Variants in SPECC1 observed in about 807,000 individuals in gnomAD.
The protein encoded by SPECC1 is cytospin-B.
In SPECC1, 62 loss-of-function variants were observed where a neutral mutation model predicts 104.1. The ratio of observed to expected loss-of-function variants is 0.60; its 90% CI spans 0.49 to 0.74. SPECC1 has a LOEUF of 0.74. Ranked by LOEUF, SPECC1 falls within the 30% of genes least tolerant of loss-of-function variation. SPECC1 has a pLI of 0.00. For missense variants in SPECC1, 1,306 were observed against 1,310.5 expected, an observed-to-expected ratio of 1.00 and a Z score of 0.05; for synonymous variants, 513 against 501.6, an observed-to-expected ratio of 1.02 and a Z score of -0.30.
chr17:20,109,919 C>T (rs2048398648), intron 2 of SPECC1, among the ~76,000 whole-genome samples: 1 of 152,094 alleles, frequency 6.6e-6, no homozygotes, highest in Non-Finnish European at 1.5e-5. Context: ...AGTACAATGG[C>T]ACAATCATAG....
intron 1 of SPECC1, among the ~76,000 whole-genome samples, chr17:20,044,328 T>C (rs2045451955): frequency 6.6e-6 from 1 of 152,256 alleles, no homozygotes; most frequent in East Asian, 1.9e-4. Context: ...GGGATTCAGT[T>C]TGAACATTTA....
chr17:20,269,229 T>C (rs1269312139), intron 12 of SPECC1, among the ~76,000 whole-genome samples: 1 of 152,240 alleles, frequency 6.6e-6, no homozygotes. Flanking sequence ...GGCTGGCCCT[T>C]GGCTGGCGTC....
chr17:20,244,207 C>T (rs998865612), intron 7 of SPECC1, among the ~76,000 whole-genome samples: 4 of 152,010 alleles, frequency 2.6e-5, no homozygotes, highest in Admixed American at 6.6e-5. Flanking sequence ...CCAGCCTGGG[C>T]GACAGAGCGA....
At chr17:20,104,479 A>G (rs925893218) in intron 2 of SPECC1, among the ~76,000 whole-genome samples, 32 of 152,228 alleles carry the variant, frequency 2.1e-4, no homozygotes, top group Admixed American at 1.8e-3. Flanking sequence ...ACGGTGGCTC[A>G]TGCCTGTAAT....
intron 1 of SPECC1, among the ~76,000 whole-genome samples, chr17:20,021,071 A>G (rs900968855): frequency 6.6e-6 from 1 of 152,238 alleles, no homozygotes; most frequent in Non-Finnish European, 1.5e-5. Flanking sequence ...AAAGAAAATC[A>G]TAAGGAAGAG....
rs997600832 is a variant in SPECC1, at chr17:20,314,639, C to CA, written c.*581dup. On this transcript the variant is annotated 3_prime_UTR_variant, in exon 15 of 15. Coordinates refer to ENST00000395527, the MANE Select transcript of SPECC1 (RefSeq NM_001243439.2). ...TGTGTGAAAGAGCCAGACCCTGTCT[C>CA]AAAAAAATGATAAAACCCAAAACTT... 5 of 227,012 alleles carry CA rather than the reference C, an allele frequency of 2.2e-5. No homozygotes were observed. The highest frequency in any genetic ancestry group is 4.5e-5 in the African/African-American group (2 of 44,356). The allele number at this position is 227,012 out of a possible 1,614,324, so 14.1% of individuals were successfully genotyped here.
At chr17:20,251,308 T>G (rs551679923) in intron 9 of SPECC1, among the ~76,000 whole-genome samples, 66 of 150,576 alleles carry the variant, frequency 4.4e-4, no homozygotes, top group African/African-American at 1.5e-3. Flanking sequence ...TCTTTCTTGA[T>G]GGAAATTCTT....
At chr17:20,293,244 A>G (rs967146355) in intron 12 of SPECC1, among the ~76,000 whole-genome samples, 13 of 152,032 alleles carry the variant, frequency 8.6e-5, no homozygotes, top group African/African-American at 3.1e-4. Context: ...CCAGAACCCT[A>G]AGGAAACTTC....
At chr17:20,292,757 A>C (rs2041215010) in intron 12 of SPECC1, among the ~76,000 whole-genome samples, 1 of 152,200 alleles carries the variant, frequency 6.6e-6, no homozygotes, top group Non-Finnish European at 1.5e-5. Context: ...GGCCCTCCCA[A>C]CAAAAGGCAT....
intron 4 of SPECC1, among the ~76,000 whole-genome samples, chr17:20,207,088 T>C (rs1329301611): frequency 6.6e-6 from 1 of 152,188 alleles, no homozygotes; most frequent in African/African-American, 2.4e-5. Flanking sequence ...TCTTGTTCCC[T>C]CCAAGTTCTG....
chr17:20,194,502 A>ATTTTTTTTTTTTTTTTTT (rs1209589252), intron 3 of SPECC1, among the ~76,000 whole-genome samples: 22 of 86,564 alleles, frequency 2.5e-4, no homozygotes, highest in African/African-American at 6.9e-4. Context: ...AAGAGAACGA[A>ATTTTTTTTTTTTTTTTTT]TTTTTTTTTT....
chr17:20,295,786 T>C (rs1442198997), intron 12 of SPECC1, among the ~76,000 whole-genome samples: 1 of 152,266 alleles, frequency 6.6e-6, no homozygotes, highest in East Asian at 1.9e-4. Flanking sequence ...ATGAGCATTG[T>C]TTCATGTGTC....
intron 1 of SPECC1, among the ~76,000 whole-genome samples, chr17:20,063,191 G>A (rs1597636102): frequency 6.6e-6 from 1 of 152,172 alleles, no homozygotes; most frequent in Admixed American, 6.5e-5. Flanking sequence ...CATATTGGTT[G>A]CTATTAGATG....
At chr17:20,296,926 TA>T in intron 12 of SPECC1, 34 bp from the exon 13 acceptor site, 1 of 1,590,554 alleles carries the variant, frequency 6.3e-7, no homozygotes, top group Non-Finnish European at 8.6e-7. Context: ...CAGTTTGCAA[TA>T]GTTCTTGTTT....
intron 12 of SPECC1, among the ~76,000 whole-genome samples, chr17:20,286,833 A>G (rs2040963943): frequency 6.6e-6 from 1 of 152,148 alleles, no homozygotes; most frequent in African/African-American, 2.4e-5. Flanking sequence ...AGTCCAGGAA[A>G]CCAGCCCCCA....
intron 1 of SPECC1, among the ~76,000 whole-genome samples, chr17:20,058,316 C>T (rs1365962209): frequency 6.6e-6 from 1 of 152,130 alleles, no homozygotes; most frequent in Non-Finnish European, 1.5e-5. Flanking sequence ...CCTGATTGTC[C>T]ATGACTGTAG....
At chr17:20,245,764 T>C (rs1030626464) in intron 7 of SPECC1, among the ~76,000 whole-genome samples, 162 bp from the exon 8 acceptor site, 1 of 152,210 alleles carries the variant, frequency 6.6e-6, no homozygotes, top group African/African-American at 2.4e-5. Flanking sequence ...CCTACATTAT[T>C]TCCTAAAGAT....
chr17:20,259,516 A>AT (rs1203274204), intron 11 of SPECC1, among the ~76,000 whole-genome samples: 2 of 151,512 alleles, frequency 1.3e-5, no homozygotes, highest in African/African-American at 2.4e-5. Context: ...ATTTTATTTT[A>AT]TTTTTTGGAG....
intron 3 of SPECC1, among the ~76,000 whole-genome samples, chr17:20,160,449 A>G (rs892318298): frequency 6.6e-6 from 1 of 152,140 alleles, no homozygotes; most frequent in African/African-American, 2.4e-5. Flanking sequence ...ACAGAGACCC[A>G]CTGACATGCC....
Sources: gnomAD v4.1 joint callset for allele counts (sites outside exome capture counted in the v4.1 genomes callset) on GRCh38, gnomAD v4.1.1 for gene constraint, MANE v1.5 for transcripts, NCBI Gene and HGNC (gene_info 2026-07-23, HGNC 2026-07-21) for gene names.